LRIF1: variants seen among roughly 807,000 people sequenced by gnomAD.
The protein encoded by LRIF1 is ligand dependent nuclear receptor interacting factor 1, also known as ligand-dependent nuclear receptor-interacting factor 1.
In LRIF1, 32 loss-of-function variants were observed where a neutral mutation model predicts 52.7. That is an observed-to-expected ratio of 0.61 (90% CI 0.46 to 0.82). LRIF1 has a LOEUF of 0.82. Among genes scored for constraint, LRIF1 ranks in the 40% least tolerant of loss-of-function variants. LRIF1 has a pLI of 0.00. For synonymous variants in LRIF1, 323 were observed against 317.4 expected, an observed-to-expected ratio of 1.02 and a Z score of -0.19; for missense variants, 887 against 892.0, an observed-to-expected ratio of 0.99 and a Z score of 0.07.
chr1:110,922,212 A>G, the LRIF1 span, among the ~76,000 whole-genome samples: 1 of 152,224 alleles, frequency 6.6e-6, no homozygotes, highest in South Asian at 2.1e-4. Context: ...GAGAGGTAGT[A>G]CCTTTAAGAG....
At chr1:110,885,241 A>G in the LRIF1 span, among the ~76,000 whole-genome samples, 1 of 152,184 alleles carries the variant, frequency 6.6e-6, no homozygotes, top group African/African-American at 2.4e-5. Context: ...TTTTTGTTTG[A>G]ACAGTTCAGT....
chr1:110,958,029 T>C (rs1057495342), intron 1 of LRIF1, among the ~76,000 whole-genome samples: 1 of 152,212 alleles, frequency 6.6e-6, no homozygotes, highest in Non-Finnish European at 1.5e-5. Flanking sequence ...TTGCAGCCAC[T>C]ATTGACTATT....
the LRIF1 span, among the ~76,000 whole-genome samples, chr1:110,885,727 G>A: frequency 6.6e-6 from 1 of 151,746 alleles, no homozygotes; most frequent in Non-Finnish European, 1.5e-5. Context: ...AGCTGGGCGT[G>A]GTGGTGCATG....
the LRIF1 span, among the ~76,000 whole-genome samples, chr1:110,916,708 A>G: frequency 6.6e-6 from 1 of 152,238 alleles, no homozygotes. Context: ...AAACATAAAG[A>G]TACTGAAATT....
the LRIF1 span, among the ~76,000 whole-genome samples, chr1:110,910,534 G>A: frequency 6.6e-6 from 1 of 152,192 alleles, no homozygotes; most frequent in Non-Finnish European, 1.5e-5. Flanking sequence ...CCAGGAGGCA[G>A]AGGTTGGAGT....
At chr1:110,946,049 AT>A (rs1658196948), downstream of LRIF1, among the ~76,000 whole-genome samples, 1 of 152,260 alleles carries the variant, frequency 6.6e-6, no homozygotes, top group Admixed American at 6.5e-5. Context: ...TTGTACACAA[AT>A]ATACACAGCA....
the LRIF1 span, among the ~76,000 whole-genome samples, chr1:110,910,180 A>G: frequency 6.6e-6 from 1 of 151,754 alleles, no homozygotes; most frequent in Admixed American, 6.6e-5. Flanking sequence ...AAAAAAACAG[A>G]CCTAACAGAC....
the LRIF1 span, among the ~76,000 whole-genome samples, chr1:110,890,428 A>C: frequency 5.5e-4 from 83 of 152,186 alleles, no homozygotes; most frequent in African/African-American, 1.9e-3. Context: ...TTATCCGGGC[A>C]TGATGGTGCA....
chr1:110,922,452 T>C, the LRIF1 span, among the ~76,000 whole-genome samples: 1 of 152,224 alleles, frequency 6.6e-6, no homozygotes, highest in African/African-American at 2.4e-5. Flanking sequence ...AATACATTTC[T>C]GTTTTTAGAA....
At chr1:110,939,442 A>G in the LRIF1 span, 1 of 151,680 alleles carries the variant, frequency 6.6e-6, no homozygotes, top group Non-Finnish European at 1.5e-5. Flanking sequence ...TGCAATCCCT[A>G]TCAAAGTACC....
At chr1:110,923,276 C>T in the LRIF1 span, among the ~76,000 whole-genome samples, 20 of 152,004 alleles carry the variant, frequency 1.3e-4, no homozygotes, top group Admixed American at 1.0e-3. Flanking sequence ...CTCCAGCCTG[C>T]GAGACAGAGC....
chr1:110,878,204 A>G, the LRIF1 span, among the ~76,000 whole-genome samples: 6 of 152,308 alleles, frequency 3.9e-5, no homozygotes, highest in East Asian at 1.2e-3. Flanking sequence ...ATTTTGTGGG[A>G]TTCAGTGAAC....
chr1:110,950,182 T>G (rs1255967761), intron 2 of LRIF1, 59 bp from the exon 3 acceptor site: 1 of 1,494,902 alleles, frequency 6.7e-7, no homozygotes, highest in Non-Finnish European at 9.0e-7. Context: ...GTTACTTTAT[T>G]AAGCAACTAA....
At chr1:110,909,237 G>A in the LRIF1 span, among the ~76,000 whole-genome samples, 2 of 152,112 alleles carry the variant, frequency 1.3e-5, no homozygotes, top group Non-Finnish European at 1.5e-5. Context: ...GCTAAACATG[G>A]AAATGAAAGC....
chr1:110,918,108 A>G, the LRIF1 span, among the ~76,000 whole-genome samples: 1 of 152,204 alleles, frequency 6.6e-6, no homozygotes, highest in Non-Finnish European at 1.5e-5. Flanking sequence ...AAAGGTATCT[A>G]AAAACACCTA....
Position 110,963,803 on chromosome 1 carries a change from A to G in LRIF1, c.-115T>C. 1 of 784,006 alleles carries G rather than the reference A, an allele frequency of 1.3e-6. No homozygotes were observed. Among genetic ancestry groups the G allele is most frequent in the Non-Finnish European group, 2.1e-6 (1 of 474,914 alleles). The allele number at this position is 784,006 out of a possible 1,614,324, so 48.6% of individuals were successfully genotyped here. The stretch of plus-strand genomic sequence containing the variant: ...TGTTGGGCTGGAGTTGCCCACAGCA[A>G]CTGTGAGGGGTTCGACCTTAACGGA... On this transcript the variant is annotated 5_prime_UTR_variant, in exon 1 of 4. Coordinates refer to ENST00000369763, the MANE Select transcript of LRIF1 (RefSeq NM_018372.4).
the LRIF1 span, among the ~76,000 whole-genome samples, chr1:110,895,634 A>G: frequency 6.6e-6 from 1 of 152,240 alleles, no homozygotes; most frequent in African/African-American, 2.4e-5. Context: ...TGGCACAGGA[A>G]TTAGAGCCTG....
At chr1:110,880,219 G>A in the LRIF1 span, 4 of 152,218 alleles carry the variant, frequency 2.6e-5, no homozygotes, top group Non-Finnish European at 4.4e-5. Flanking sequence ...GTAGTTGGAA[G>A]GGGTGGGAGG....
At chr1:110,892,224 A>C in the LRIF1 span, 1 of 789,084 alleles carries the variant, frequency 1.3e-6, no homozygotes, top group African/African-American at 1.7e-5. Flanking sequence ...GAAATTGTTC[A>C]TGAGACTCTT....
Sources: gnomAD v4.1 joint callset for allele counts (sites outside exome capture counted in the v4.1 genomes callset) on GRCh38, gnomAD v4.1.1 for gene constraint, MANE v1.5 for transcripts, NCBI Gene and HGNC (gene_info 2026-07-23, HGNC 2026-07-21) for gene names.